STARD13: variants seen among roughly 807,000 people sequenced by gnomAD.
STARD13 encodes the protein stAR-related lipid transfer protein 13.
A neutral mutation model predicts 106.4 loss-of-function variants in STARD13; 62 were observed. That is an observed-to-expected ratio of 0.58 (90% CI 0.48 to 0.72). The LOEUF (loss-of-function observed/expected upper bound fraction) is 0.72. Ranked by LOEUF, STARD13 falls within the 30% of genes least tolerant of loss-of-function variation. The pLI is 0.00. For synonymous variants in STARD13, 565 were observed against 553.0 expected (o/e 1.02, Z -0.31); for missense variants, 1,387 against 1,424.0 (o/e 0.97, Z 0.42).
Position 33,172,437 on chromosome 13 carries a change from T to G in STARD13, c.170-4815A>C, listed in dbSNP as rs186110724. Among the ~76,000 whole-genome samples the G allele has an allele frequency of 1.1e-4, 16 of 152,302 alleles. No individual in the cohort carries two copies. The East Asian group carries it at 3.1e-3, about 29-fold the overall frequency. ...TGGGAGTTAAAAGAGATTTACAAGC[T>G]GTTTCTTTAATGTAGTCTCTTAGCT... On this transcript the variant is annotated intron_variant, in intron 1 of 13. Coordinates refer to ENST00000336934, the MANE Select transcript of STARD13 (RefSeq NM_178006.4).
the STARD13 span, among the ~76,000 whole-genome samples, chr13:33,648,515 A>G: frequency 1.3e-5 from 2 of 152,218 alleles, 1 homozygote; most frequent in Non-Finnish European, 2.9e-5. Context: ...GAAGGATGAA[A>G]TGTGGCATAG....
At chr13:33,443,458 CCA>C in the STARD13 span, among the ~76,000 whole-genome samples, 357 of 37,706 alleles carry the variant, frequency 9.5e-3, 4 homozygotes, top group African/African-American at 0.036. Flanking sequence ...GGTCCCCCCC[CCA>C]AAAAAAAAAC....
intron 1 of STARD13, among the ~76,000 whole-genome samples, chr13:33,216,501 G>C (rs1475194487): frequency 6.6e-6 from 1 of 152,142 alleles, no homozygotes; most frequent in African/African-American, 2.4e-5. Context: ...CTTATAAGTG[G>C]GAGCTGAGCT....
intron 4 of STARD13, among the ~76,000 whole-genome samples, chr13:33,140,961 T>C (rs1879748134): frequency 6.6e-6 from 1 of 152,154 alleles, no homozygotes; most frequent in Non-Finnish European, 1.5e-5. Context: ...TTTCACCATG[T>C]GGGTCAGGCT....
rs568277121 is a variant in STARD13, at chr13:33,129,158, C to T, written c.1519G>A (p.Val507Ile). The change falls in exon 5 of 14, where the codon GTC becomes ATC. Residue 507 changes from valine (V) to isoleucine (I), a missense_variant. Physicochemically the swap from Val to Ile is conservative, Grantham distance 29 (BLOSUM62 3). Coordinates refer to ENST00000336934, the MANE Select transcript of STARD13 (RefSeq NM_178006.4). ...QEVVDDWSKDVLPELQTHDTL... is the reference protein window; with the variant it reads ...QEVVDDWSKDILPELQTHDTL... The stretch of plus-strand genomic sequence containing the variant: ...TCATGAGTTTGCAGTTCAGGCAAGA[C>T]ATCTTTGGACCAGTCATCGACTACC... 1.9e-6 allele frequency: 3 copies of T among 1,614,080 alleles called. No homozygotes were observed. The highest frequency in any genetic ancestry group is 2.2e-5 in the East Asian group (1 of 44,898).
At chr13:33,471,633 G>GTT in the STARD13 span, among the ~76,000 whole-genome samples, 1,991 of 124,458 alleles carry the variant, frequency 0.016, 48 homozygotes, top group African/African-American at 0.05. Context: ...TTGGCCCCCT[G>GTT]TTTTTTTTTT....
the STARD13 span, among the ~76,000 whole-genome samples, chr13:33,593,807 C>T: frequency 6.6e-6 from 1 of 152,140 alleles, no homozygotes; most frequent in Non-Finnish European, 1.5e-5. Context: ...TCCCATCTCT[C>T]TAGAGATGGG....
chr13:33,351,326 T>C (rs1594297254), upstream of STARD13, among the ~76,000 whole-genome samples: 1 of 152,184 alleles, frequency 6.6e-6, no homozygotes, highest in East Asian at 1.9e-4. Context: ...AGAAGTGAAA[T>C]ATGAAAATAG....
chr13:33,172,393 G>A (rs1255670374), intron 1 of STARD13, among the ~76,000 whole-genome samples: 1 of 152,040 alleles, frequency 6.6e-6, no homozygotes, highest in Non-Finnish European at 1.5e-5. Context: ...GACTGACGGT[G>A]GAGAAGGCTG....
At position 33,156,575 on chromosome 13, in the gene STARD13, A is replaced by G. The variant is rs144206592; in HGVS notation, c.323+8762T>C. 2.7e-3 allele frequency among the ~76,000 whole-genome samples: 408 copies of G among 152,288 alleles called. 2 individuals carry two copies. The highest frequency in any genetic ancestry group is 6.8e-3 in the Middle Eastern group (2 of 294). On this transcript the variant is annotated intron_variant, in intron 3 of 13. Coordinates refer to ENST00000336934, the MANE Select transcript of STARD13 (RefSeq NM_178006.4). ...AAATGTCATGTGTTCTTGTCTGGGT[A>G]ATTCCTACTACCATTTATTAGCTGT...
the STARD13 span, among the ~76,000 whole-genome samples, chr13:33,662,127 T>C: frequency 6.6e-6 from 1 of 151,536 alleles, no homozygotes; most frequent in Non-Finnish European, 1.5e-5. Context: ...CTGGGCGTGG[T>C]GGTGGGCGCC....
the STARD13 span, among the ~76,000 whole-genome samples, chr13:33,641,696 T>C: frequency 6.6e-6 from 1 of 152,186 alleles, no homozygotes; most frequent in Non-Finnish European, 1.5e-5. Flanking sequence ...AACCGTGCTG[T>C]ATGGCTGTTT....
chr13:33,355,489 T>G (rs1048789937), upstream of STARD13: 6 of 152,228 alleles, frequency 3.9e-5, no homozygotes, highest in Admixed American at 3.3e-4. Context: ...TATTTCATGT[T>G]GCTTGCAGCT....
chr13:33,527,986 T>C, the STARD13 span, among the ~76,000 whole-genome samples: 1 of 151,026 alleles, frequency 6.6e-6, no homozygotes, highest in Non-Finnish European at 1.5e-5. Context: ...GTCCCAAATA[T>C]AAATGAAATT....
chr13:33,114,565 A>C (rs1875091535), intron 8 of STARD13, among the ~76,000 whole-genome samples: 1 of 152,188 alleles, frequency 6.6e-6, no homozygotes, highest in Non-Finnish European at 1.5e-5. Flanking sequence ...GGTGGAGGAG[A>C]AACAGATGGT....
the STARD13 span, among the ~76,000 whole-genome samples, chr13:33,499,413 C>T: frequency 6.6e-6 from 1 of 152,154 alleles, no homozygotes; most frequent in South Asian, 2.1e-4. Context: ...GGTGAAAGTT[C>T]TCCTTGGGTT....
intron 1 of STARD13, among the ~76,000 whole-genome samples, chr13:33,198,157 G>C (rs1886772395): frequency 6.6e-6 from 1 of 152,224 alleles, no homozygotes; most frequent in Admixed American, 6.5e-5. Flanking sequence ...CACAGAGTGA[G>C]ACTCCGTCTC....
At position 33,284,880 on chromosome 13, in the gene STARD13, C is replaced by T. The variant is rs941985348; in HGVS notation, c.169+590G>A. Among the ~76,000 whole-genome samples, 5 of 151,990 alleles carry T rather than the reference C, an allele frequency of 3.3e-5. No homozygotes were observed. In the East Asian group the frequency reaches 5.8e-4, roughly 18 times the overall value. ...AAGCTGGAGTTTTGTGTGCAGGTTA[C>T]GGGATTTGTTTTGAGATGAACGAAC... On this transcript the variant is annotated intron_variant, in intron 1 of 13. Coordinates refer to ENST00000336934, the MANE Select transcript of STARD13 (RefSeq NM_178006.4).
At chr13:33,262,531 G>T (rs1001351460) in intron 1 of STARD13, among the ~76,000 whole-genome samples, 2 of 152,122 alleles carry the variant, frequency 1.3e-5, no homozygotes, top group East Asian at 3.9e-4. Flanking sequence ...TTCCTGTTTG[G>T]CATGTTTGCA....
Sources: gnomAD v4.1 joint callset for allele counts (sites outside exome capture counted in the v4.1 genomes callset) on GRCh38, gnomAD v4.1.1 for gene constraint, MANE v1.5 for transcripts, NCBI Gene and HGNC (gene_info 2026-07-23, HGNC 2026-07-21) for gene names.